Variants in NCK1 observed in about 807,000 individuals in gnomAD.
NCK1 encodes the protein NCK adaptor protein 1.
In NCK1, 19 loss-of-function variants were observed where a neutral mutation model predicts 36.6. The ratio of observed to expected loss-of-function variants is 0.52; its 90% CI spans 0.36 to 0.76. NCK1 has a LOEUF of 0.76. Among genes scored for constraint, NCK1 ranks in the 30% least tolerant of loss-of-function variants. The pLI is 0.00. For synonymous variants in NCK1, 165 were observed against 156.0 expected (o/e 1.06, Z -0.43); for missense variants, 358 against 445.6 (o/e 0.80, Z 1.77).
intron 1 of NCK1, among the ~76,000 whole-genome samples, chr3:136,884,591 G>T (rs1348017669): frequency 4.6e-5 from 7 of 151,944 alleles, no homozygotes; most frequent in African/African-American, 1.7e-4. Context: ...GAGGCGTGTG[G>T]CACTATGCCC....
chr3:136,938,517 T>C (rs77203258), intron 2 of NCK1, among the ~76,000 whole-genome samples: 7,684 of 152,286 alleles, frequency 0.05, 287 homozygotes, highest in Non-Finnish European at 0.077. Context: ...GCAGTCTATT[T>C]AGTACCACAT....
intron 1 of NCK1, among the ~76,000 whole-genome samples, chr3:136,883,182 A>G (rs1938989825): frequency 6.6e-6 from 1 of 152,172 alleles, no homozygotes; most frequent in South Asian, 2.1e-4. Flanking sequence ...TGGCCTCCCA[A>G]AGTGCTGGGA....
rs759443661 is a variant in NCK1 at position 136,945,648 on chromosome 3, G to T, written c.292G>T (p.Val98Phe). The change falls in exon 3 of 4, where the codon GTT (valine) becomes TTT (phenylalanine). Residue 98 changes from valine to phenylalanine, a missense_variant. Around this residue, in one of 3 missense-constraint regions of NCK1, gnomAD observed 143 missense variants for 162.4 expected, o/e 0.88. Coordinates refer to ENST00000481752, the MANE Select transcript of NCK1 (RefSeq NM_001291999.2). ...DSASPADDSF[V>F]DPGERLYDLN... The stretch of plus-strand genomic sequence containing the variant: ...TGCATCTCCTGCTGATGATAGTTTT[G>T]TTGACCCAGGGGAACGTCTCTATGA... 6.2e-7 allele frequency: 1 copy of T among 1,613,864 alleles called. No individual in the cohort carries two copies. Among genetic ancestry groups the T allele is most frequent in the Non-Finnish European group, 8.5e-7 (1 of 1,179,958 alleles).
chr3:136,930,335 T>A (rs1020174144), intron 2 of NCK1: 29 of 587,178 alleles, frequency 4.9e-5, no homozygotes, highest in Admixed American at 2.3e-4. Context: ...AAGGTCATAT[T>A]TTTGGCCATG....
intron 1 of NCK1, among the ~76,000 whole-genome samples, chr3:136,875,916 C>T (rs1470473087): frequency 6.6e-6 from 1 of 151,962 alleles, no homozygotes; most frequent in Non-Finnish European, 1.5e-5. Flanking sequence ...AAGCTCTCCT[C>T]AGCAAATATA....
chr3:136,919,544 T>G (rs902353805), intron 1 of NCK1, among the ~76,000 whole-genome samples: 1 of 152,146 alleles, frequency 6.6e-6, no homozygotes, highest in Admixed American at 6.5e-5. Flanking sequence ...GTAGACCCCT[T>G]AAGAGATCCA....
chr3:136,888,483 A>G (rs1227880390), intron 1 of NCK1, among the ~76,000 whole-genome samples: 4 of 151,540 alleles, frequency 2.6e-5, no homozygotes, highest in African/African-American at 9.7e-5. Flanking sequence ...GCTGACTGCA[A>G]CCTCTGCCTC....
Position 136,951,510 on chromosome 3 carries a change from G to A in NCK1, c.*3057G>A, listed in dbSNP as rs980228858. The stretch of plus-strand genomic sequence containing the variant: ...TTGAATTCCCACAAGTCAACAATGA[G>A]CTGGAATCTAATATGGATGGTCCTC... On this transcript the variant is annotated 3_prime_UTR_variant, in exon 4 of 4. Coordinates refer to ENST00000481752, the MANE Select transcript of NCK1 (RefSeq NM_001291999.2). Among the ~76,000 whole-genome samples the A allele has an allele frequency of 7.2e-5, 11 of 152,280 alleles. No individual in the cohort carries two copies. Among genetic ancestry groups the A allele is most frequent in the African/African-American group, 2.4e-4 (10 of 41,556 alleles).
At chr3:136,946,719 C>G (rs1940837754) in intron 3 of NCK1, among the ~76,000 whole-genome samples, 1 of 152,026 alleles carries the variant, frequency 6.6e-6, no homozygotes, top group Non-Finnish European at 1.5e-5. Flanking sequence ...CATAGGAAAT[C>G]CCTGAATTTA....
chr3:136,865,098 C>T (rs922538506), intron 1 of NCK1, among the ~76,000 whole-genome samples: 15 of 152,148 alleles, frequency 9.9e-5, no homozygotes, highest in Admixed American at 7.2e-4. Flanking sequence ...GCTGGGATTA[C>T]AGGCGCCTGC....
chr3:136,904,734 A>G (rs1050000118), intron 1 of NCK1, among the ~76,000 whole-genome samples: 11 of 152,008 alleles, frequency 7.2e-5, no homozygotes, highest in African/African-American at 2.2e-4. Flanking sequence ...ATTTTATTGA[A>G]CAGGTTTTCT....
At chr3:136,871,820 G>C (rs1938629366) in intron 1 of NCK1, among the ~76,000 whole-genome samples, 1 of 152,156 alleles carries the variant, frequency 6.6e-6, no homozygotes, top group African/African-American at 2.4e-5. Flanking sequence ...GGTCTTGTGG[G>C]ATCTGATGGT....
At position 136,951,385 on chromosome 3, in the gene NCK1, T is replaced by G. The variant is rs1425791702; in HGVS notation, c.*2932T>G. ...CAGAAATGTTGTTCAACCCACACAG[T>G]GCTTTAAAAAATTAATTGCCAACAT... On this transcript the variant is annotated 3_prime_UTR_variant, in exon 4 of 4. Transcript: ENST00000481752. Among the ~76,000 whole-genome samples, 1 of 152,182 alleles carries G rather than the reference T, an allele frequency of 6.6e-6. No homozygotes were observed. Among genetic ancestry groups the G allele is most frequent in the Non-Finnish European group, 1.5e-5 (1 of 68,012 alleles).
At chr3:136,896,866 A>G (rs1195978080) in intron 1 of NCK1, among the ~76,000 whole-genome samples, 1 of 151,864 alleles carries the variant, frequency 6.6e-6, no homozygotes, top group African/African-American at 2.4e-5. Context: ...TGCTACAGTA[A>G]ACATGCAAGT....
chr3:136,883,446 C>T (rs1017219532), intron 1 of NCK1, among the ~76,000 whole-genome samples: 5 of 152,070 alleles, frequency 3.3e-5, no homozygotes, highest in South Asian at 4.1e-4. Flanking sequence ...CTTAAAATGC[C>T]CACTTAAATT....
rs546354252 is a variant in NCK1, at chr3:136,944,267, C to T, written c.227-1316C>T. 5.9e-5 allele frequency among the ~76,000 whole-genome samples: 9 copies of T among 151,834 alleles called. No individual in the cohort carries two copies. The East Asian group carries it at 7.7e-4, about 13-fold the overall frequency. ...CTGAGTAGCTGGGACTACAGGTGCACACCACTGCACCCAGCTAATTTTTGT... is the reference window on the plus strand; with the variant it reads ...CTGAGTAGCTGGGACTACAGGTGCATACCACTGCACCCAGCTAATTTTTGT... On this transcript the variant is annotated intron_variant, in intron 2 of 3. Transcript: ENST00000481752.
chr3:136,924,149 C>T (rs1940182491), intron 1 of NCK1, among the ~76,000 whole-genome samples: 1 of 152,134 alleles, frequency 6.6e-6, no homozygotes, highest in Admixed American at 6.5e-5. Flanking sequence ...ACAAATCTAC[C>T]ATTCAGTCTT....
Position 136,946,011 on chromosome 3 carries a change from G to A in NCK1, c.655G>A (p.Val219Ile). Residue 219 changes from valine to isoleucine, a missense_variant, in exon 3 of 4, where the codon GTT becomes ATT. Physicochemically the swap from Val to Ile is conservative, Grantham distance 29 (BLOSUM62 3). Around this residue, in one of 3 missense-constraint regions of NCK1, gnomAD observed 207 missense variants for 253.4 expected, o/e 0.82. Coordinates refer to ENST00000481752, the MANE Select transcript of NCK1 (RefSeq NM_001291999.2). ...TTTCGAGAAAGGAGATGTAATGGATGTTATTGAAAAACCTGAAAATGACCC... is the reference window on the plus strand; with the variant it reads ...TTTCGAGAAAGGAGATGTAATGGATATTATTGAAAAACCTGAAAATGACCC... Reference protein sequence around the residue: ...LNFEKGDVMDVIEKPENDPEW... With the variant: ...LNFEKGDVMDIIEKPENDPEW... The A allele has an allele frequency of 6.2e-7, 1 of 1,614,014 alleles. No homozygotes were observed. Among genetic ancestry groups the A allele is most frequent in the South Asian group, 1.1e-5 (1 of 91,082 alleles).
At chr3:136,871,840 G>C (rs761422341) in intron 1 of NCK1, among the ~76,000 whole-genome samples, 3 of 152,104 alleles carry the variant, frequency 2.0e-5, no homozygotes, top group Non-Finnish European at 2.9e-5. Flanking sequence ...TTTTAAAAAC[G>C]GGAGTTTCCC....
Sources: gnomAD v4.1 joint callset for allele counts (sites outside exome capture counted in the v4.1 genomes callset) on GRCh38, gnomAD v4.1.1 for gene constraint, gnomAD v4.1.1 regional missense constraint, MANE v1.5 for transcripts, NCBI Gene and HGNC (gene_info 2026-07-23, HGNC 2026-07-21) for gene names.